The following ANKRD11 variants were observed in gnomAD, a reference collection of about 807,000 sequenced individuals.
ANKRD11 encodes ankyrin repeat domain 11.
A neutral mutation model predicts 195.7 loss-of-function variants in ANKRD11; 17 were observed. The observed-to-expected ratio is 0.09, with a 90% confidence interval of 0.06 to 0.13. ANKRD11 has a LOEUF of 0.13. Ranked by LOEUF, ANKRD11 falls within the 10% of genes least tolerant of loss-of-function variation. The probability of loss-of-function intolerance (pLI) is 1.00; values close to 1 mark genes in which losing one functional copy is unlikely to be tolerated. For missense variants in ANKRD11, 3,735 were observed against 3,566.1 expected (o/e 1.05, Z -1.21); for synonymous variants, 1,953 against 1,528.1 (o/e 1.28, Z -6.49).
intron 2 of ANKRD11, among the ~76,000 whole-genome samples, chr16:89,399,807 T>C (rs2041617406): frequency 4.1e-5 from 1 of 24,484 alleles, no homozygotes. Flanking sequence ...AAATAAAGTC[T>C]ACTTTTTTTA....
At chr16:89,314,080 C>T (rs569129946) in intron 3 of ANKRD11, among the ~76,000 whole-genome samples, 33 of 152,186 alleles carry the variant, frequency 2.2e-4, no homozygotes, top group East Asian at 9.6e-4. Context: ...AAAAATGAGC[C>T]GGGTGTAGCG....
chr16:89,446,612 A>G (rs2043804283), intron 1 of ANKRD11, among the ~76,000 whole-genome samples: 1 of 152,114 alleles, frequency 6.6e-6, no homozygotes, highest in South Asian at 2.1e-4. Flanking sequence ...TCAAACAAAA[A>G]CAAAAACCAA....
chr16:89,358,575 C>A (rs143685480), intron 2 of ANKRD11, among the ~76,000 whole-genome samples: 267 of 152,252 alleles, frequency 1.8e-3, no homozygotes, highest in Middle Eastern at 0.01. Context: ...CCCATAAATA[C>A]ATTCATCTAT....
At chr16:89,398,871 T>G (rs1029386403) in intron 2 of ANKRD11, among the ~76,000 whole-genome samples, 2 of 152,132 alleles carry the variant, frequency 1.3e-5, no homozygotes. Flanking sequence ...ACAGATGCAG[T>G]GGCAGGCACA....
intron 2 of ANKRD11, among the ~76,000 whole-genome samples, chr16:89,387,872 G>T (rs975978236): frequency 6.6e-6 from 1 of 151,102 alleles, no homozygotes. Context: ...AGGCGTGGTG[G>T]TGGGTGGTGG....
chr16:89,416,766 C>CA lies in ANKRD11; in HGVS notation c.-60+1517dup, dbSNP rs71134221. On this transcript the variant is annotated intron_variant, in intron 2 of 12. Coordinates refer to ENST00000301030, the MANE Select transcript of ANKRD11 (RefSeq NM_013275.6). ...ACAACGTAACAAGACTCTGTTTCTACAAAAAAAAAAAAAAAATTAAAAAAA... is the reference window on the plus strand; with the variant it reads ...ACAACGTAACAAGACTCTGTTTCTACAAAAAAAAAAAAAAAAATTAAAAAAA... Among the ~76,000 whole-genome samples, 793 of 105,834 alleles carry CA rather than the reference C, an allele frequency of 7.5e-3. 5 individuals are homozygous for CA. The highest frequency in any genetic ancestry group is 0.016 in the African/African-American group (454 of 28,398). The allele number at this position is 105,834 out of a possible 152,430, so 69.4% of individuals were successfully genotyped here. A position where few individuals can be genotyped will look rare whatever the true frequency, so the allele number is the denominator to read the frequency against.
At chr16:89,310,180 G>A (rs762909937) in intron 3 of ANKRD11, among the ~76,000 whole-genome samples, 3 of 152,242 alleles carry the variant, frequency 2.0e-5, no homozygotes, top group Non-Finnish European at 4.4e-5. Context: ...CACCAGCTCA[G>A]CTGCCTTGGT....
chr16:89,295,045 T>C (rs2035325023), intron 4 of ANKRD11, among the ~76,000 whole-genome samples: 1 of 152,190 alleles, frequency 6.6e-6, no homozygotes, highest in Admixed American at 6.5e-5. Flanking sequence ...TTCCAAATGG[T>C]ATTCACCAAG....
chr16:89,439,193 G>T (rs1375654696), intron 1 of ANKRD11, among the ~76,000 whole-genome samples: 1 of 152,094 alleles, frequency 6.6e-6, no homozygotes, highest in East Asian at 1.9e-4. Flanking sequence ...AGCACTGAAG[G>T]TTCAAGGAAG....
chr16:89,437,446 T>C (rs2043262176), intron 1 of ANKRD11, among the ~76,000 whole-genome samples: 1 of 152,078 alleles, frequency 6.6e-6, no homozygotes, highest in Non-Finnish European at 1.5e-5. Context: ...TCCTCTCTCC[T>C]CATTCACCTC....
intron 2 of ANKRD11, among the ~76,000 whole-genome samples, chr16:89,374,790 GA>G (rs2152089412): frequency 1.3e-5 from 2 of 152,316 alleles, no homozygotes; most frequent in East Asian, 3.9e-4. Flanking sequence ...CGTGTGCACA[GA>G]GCTGACCCCG....
intron 2 of ANKRD11, among the ~76,000 whole-genome samples, chr16:89,335,449 G>C (rs1811228058): frequency 1.3e-5 from 2 of 152,234 alleles, no homozygotes; most frequent in South Asian, 4.1e-4. Flanking sequence ...TTCAGGATGA[G>C]TGGGTTCCCA....
In ANKRD11 at chr16:89,280,026, C is replaced by A; in HGVS notation, c.6516G>T (p.Gly2172=). Residue 2172 remains glycine (G), a synonymous_variant, in exon 9 of 13, where the codon GGG becomes GGT. Transcript: ENST00000301030. ...TGGAAACATCCCCACCGTTTATGAC[C>A]CCGGGGGCCCCTGGAGGCATCTCTT... ...PPEEMPPGAP[G]VINGGDVSTV... The A allele has an allele frequency of 6.2e-7, 1 of 1,612,762 alleles. No homozygotes were observed. Among genetic ancestry groups the A allele is most frequent in the Non-Finnish European group, 8.5e-7 (1 of 1,179,952 alleles).
intron 2 of ANKRD11, among the ~76,000 whole-genome samples, chr16:89,320,651 A>G (rs2037259964): frequency 6.6e-6 from 1 of 152,034 alleles, no homozygotes; most frequent in African/African-American, 2.4e-5. Flanking sequence ...CCACTGGCAC[A>G]CTCCCTGAAG....
chr16:89,448,768 G>C (rs2043922378), intron 1 of ANKRD11, among the ~76,000 whole-genome samples: 1 of 152,142 alleles, frequency 6.6e-6, no homozygotes, highest in Non-Finnish European at 1.5e-5. Flanking sequence ...TGCTGGACTA[G>C]CAGTCCTAGA....
At chr16:89,394,660 A>G (rs550689744) in intron 2 of ANKRD11, among the ~76,000 whole-genome samples, 1 of 151,396 alleles carries the variant, frequency 6.6e-6, no homozygotes, top group East Asian at 1.9e-4. Context: ...CCTTTTGTGG[A>G]AAAACGAGTG....
At chr16:89,278,995 TGGAG>T in intron 9 of ANKRD11, 73 bp downstream of exon 9, 1 of 1,580,736 alleles carries the variant, frequency 6.3e-7, no homozygotes, top group Non-Finnish European at 8.6e-7. Flanking sequence ...CAAGACGGGC[TGGAG>T]GAAGCCGTGA....
chr16:89,460,257 A>T (rs1465644331), intron 1 of ANKRD11, among the ~76,000 whole-genome samples: 1 of 152,102 alleles, frequency 6.6e-6, no homozygotes, highest in Non-Finnish European at 1.5e-5. Flanking sequence ...AAGAACAAAA[A>T]ACATTAAAAA....
At chr16:89,390,280 G>C (rs35888141) in intron 2 of ANKRD11, among the ~76,000 whole-genome samples, 6 of 142,450 alleles carry the variant, frequency 4.2e-5, no homozygotes, top group African/African-American at 1.5e-4. Flanking sequence ...GGAGCACCGA[G>C]AGAGAAGATC....
Sources: allele counts gnomAD v4.1 joint callset (sites outside exome capture counted in the v4.1 genomes callset), GRCh38; gene constraint gnomAD v4.1.1; transcripts MANE v1.5; gene names NCBI Gene and HGNC (gene_info 2026-07-23, HGNC 2026-07-21).